The following NRAP variants were observed in gnomAD, a reference collection of about 807,000 sequenced individuals.
NRAP encodes the protein nebulin-related-anchoring protein.
In NRAP, 189 loss-of-function variants were observed where a neutral mutation model predicts 225.9. The observed-to-expected ratio is 0.84, with a 90% CI of 0.74 to 0.94. The LOEUF (loss-of-function observed/expected upper bound fraction) is 0.94. NRAP is among the 40% of genes least tolerant of loss of function. NRAP has a pLI of 0.00. For synonymous variants in NRAP, 769 were observed against 790.7 expected (o/e 0.97, Z 0.46); for missense variants, 2,176 against 2,168.7 (o/e 1.00, Z -0.07).
At chr10:113,617,699 C>T (rs370697007) in intron 25 of NRAP, 146 bp from the exon 26 acceptor site, 4 of 616,172 alleles carry the variant, frequency 6.5e-6, no homozygotes, top group African/African-American at 5.5e-5. Context: ...ATCCTAGGTG[C>T]CTTCAGGTTA....
intron 11 of NRAP, among the ~76,000 whole-genome samples, chr10:113,643,909 A>G (rs148809509): frequency 1.4e-4 from 21 of 152,230 alleles, no homozygotes; most frequent in African/African-American, 5.1e-4. Context: ...GTTACAGTAT[A>G]TTCATATAGA....
rs879247720 is a variant in NRAP, at chr10:113,590,849, T to C, written c.4685A>G (p.Gln1562Arg). Residue 1562 changes from glutamine to arginine, a missense_variant, in exon 40 of 42, where the codon CAG becomes CGG. Around this residue, in one of 3 missense-constraint regions of NRAP, gnomAD observed 445 missense variants for 426.1 expected, o/e 1.04. Transcript: ENST00000359988. Reference protein sequence around the residue: ...KEAFLRDRGLQIGYRSVDDDP... With the variant: ...KEAFLRDRGLRIGYRSVDDDP... ...ATCGTCGACACTGCGGTACCCGATC[T>C]GCAGGCCTCGGTCCCGCAGGAAAGC... is the stretch of plus-strand genomic sequence containing the variant. 9.3e-6 allele frequency: 15 copies of C among 1,614,226 alleles called. No homozygotes were observed. The highest frequency in any genetic ancestry group is 1.3e-5 in the Non-Finnish European group (15 of 1,180,034).
Position 113,614,845 on chromosome 10 carries a change from TATG to T in NRAP, c.3177_3179del (p.Ile1060del), listed in dbSNP as rs759748337. 2 of 1,588,770 alleles carry T rather than the reference TATG, an allele frequency of 1.3e-6. No homozygotes were observed. Among genetic ancestry groups the T allele is most frequent in the Admixed American group, 3.3e-5 (2 of 59,990 alleles). ...AATGGGGGTGAATGCTCACATCACT[TATG>T]ATTTCACCAGAAGCCTTTGCTGCTT... On this transcript the variant is annotated inframe_deletion, in exon 28 of 42. Transcript: ENST00000359988.
chr10:113,634,080 C>T, intron 15 of NRAP, 32 bp downstream of exon 15: 1 of 1,477,166 alleles, frequency 6.8e-7, no homozygotes. Flanking sequence ...TTCAAGACCC[C>T]TACATCCAGC....
chr10:113,632,408 T>A (rs1459653447), intron 16 of NRAP, among the ~76,000 whole-genome samples: 7 of 152,260 alleles, frequency 4.6e-5, no homozygotes, highest in Non-Finnish European at 7.3e-5. Context: ...TTTATTGGCC[T>A]TTTCCTAAAT....
Position 113,641,432 on chromosome 10 carries a change from C to A in NRAP, c.1256G>T (p.Arg419Leu), listed in dbSNP as rs138124439. The A allele has an allele frequency of 6.2e-7, 1 of 1,613,822 alleles. No homozygotes were observed. The highest frequency in any genetic ancestry group is 2.2e-5 in the East Asian group (1 of 44,878). Residue 419 changes from arginine (R) to leucine (L), a missense_variant, in exon 13 of 42, where the codon CGC (arginine) becomes CTC (leucine). Around this residue, in one of 3 missense-constraint regions of NRAP, gnomAD observed 1,708 missense variants for 1,695.5 expected, o/e 1.01. Transcript: ENST00000359988. ...KENYQNHMRG[R>L]YEGVGMDRRT... Reference sequence around the variant, plus strand: ...TCTGTCCATACCAACTCCTTCATAGCGGCCTCTCATGTGGTTCTGGTAGTT... The same window carrying A: ...TCTGTCCATACCAACTCCTTCATAGAGGCCTCTCATGTGGTTCTGGTAGTT...
intron 29 of NRAP, among the ~76,000 whole-genome samples, chr10:113,613,555 C>T (rs1016331397): frequency 3.3e-5 from 5 of 152,200 alleles, no homozygotes; most frequent in Non-Finnish European, 5.9e-5. Context: ...TGTTAGCCAA[C>T]TCACATATGT....
intron 29 of NRAP, among the ~76,000 whole-genome samples, chr10:113,613,449 G>A (rs749535593): frequency 6.6e-6 from 1 of 152,158 alleles, no homozygotes; most frequent in Non-Finnish European, 1.5e-5. Context: ...AGAATAACAA[G>A]ATGGAGTTCC....
chr10:113,613,615 C>A (rs1218872664), intron 29 of NRAP, among the ~76,000 whole-genome samples: 1 of 152,128 alleles, frequency 6.6e-6, no homozygotes, highest in Non-Finnish European at 1.5e-5. Context: ...AGGGTCACAA[C>A]CAACAATGAC....
chr10:113,615,099 G>A (rs1048326610), intron 27 of NRAP, among the ~76,000 whole-genome samples, 153 bp from the exon 28 acceptor site: 8 of 152,024 alleles, frequency 5.3e-5, no homozygotes, highest in African/African-American at 1.9e-4. Flanking sequence ...CTAAACCCAC[G>A]TGAGTTGGAT....
intron 38 of NRAP, among the ~76,000 whole-genome samples, chr10:113,595,035 G>A (rs1401282237): frequency 1.3e-5 from 2 of 152,226 alleles, no homozygotes; most frequent in East Asian, 3.8e-4. Flanking sequence ...ACAACCAGGG[G>A]CCTCCAACCC....
chr10:113,615,624 G>A (rs1847607574), intron 27 of NRAP, 88 bp downstream of exon 27: 5 of 764,356 alleles, frequency 6.5e-6, no homozygotes, highest in Non-Finnish European at 1.2e-5. Context: ...CCAGCTCAGG[G>A]GCTTCTGAGC....
At chr10:113,650,656 A>G in intron 7 of NRAP, 111 bp from the exon 8 acceptor site, 2 of 738,532 alleles carry the variant, frequency 2.7e-6, no homozygotes, top group South Asian at 3.1e-5. Context: ...CATAGCTCAT[A>G]AGGCACATAA....
At chr10:113,649,476 T>A (rs1385266401) in intron 9 of NRAP, among the ~76,000 whole-genome samples, 1 of 152,232 alleles carries the variant, frequency 6.6e-6, no homozygotes, top group African/African-American at 2.4e-5. Flanking sequence ...CAGAGGGATG[T>A]GCAAATAATA....
In NRAP at chr10:113,626,125, G is replaced by A. The variant is rs878955851; in HGVS notation, c.2166C>T (p.Val722=). The A allele has an allele frequency of 1.3e-5, 21 of 1,609,056 alleles. No homozygotes were observed. The South Asian group carries it at 2.0e-4, about 15-fold the overall frequency. The part of the protein sequence containing the change: ...LVSEKNYRQR[V]DELKFTSVTD... ...TCACGCTGGTGAACTTCAGCTCATC[G>A]ACCCTCTGCCGGTAGTTTTTCTGTT... is the stretch of plus-strand genomic sequence containing the variant. The change falls in exon 21 of 42, where the codon GTC becomes GTT. Residue 722 remains valine, a synonymous_variant. Transcript: ENST00000359988.
At position 113,615,786 on chromosome 10, in the gene NRAP, T is replaced by G. The variant is rs1413583059; in HGVS notation, c.3004A>C (p.Lys1002Gln). ...TCAGCAGTCGGTGTGTAATGATGCT[T>G]TATGTTTTCTCCTTGTTCCCTGTAT... is the stretch of plus-strand genomic sequence containing the variant. ...RLYREQGENIKHHYTPTADLP... is the reference protein window; with the variant it reads ...RLYREQGENIQHHYTPTADLP... Residue 1002 changes from lysine to glutamine, a missense_variant, in exon 27 of 42, where the codon AAG (lysine) becomes CAG (glutamine). Around this residue, in one of 3 missense-constraint regions of NRAP, gnomAD observed 1,708 missense variants for 1,695.5 expected, o/e 1.01. Transcript: ENST00000359988. The G allele has an allele frequency of 6.8e-6, 11 of 1,607,420 alleles. No homozygotes were observed. Among genetic ancestry groups the G allele is most frequent in the Non-Finnish European group, 8.5e-6 (10 of 1,173,922 alleles).
intron 9 of NRAP, among the ~76,000 whole-genome samples, chr10:113,648,877 G>C (rs77741765): frequency 2.0e-5 from 3 of 152,102 alleles, no homozygotes; most frequent in South Asian, 2.1e-4. Context: ...GACATGTCTA[G>C]GTACACATAT....
intron 37 of NRAP, among the ~76,000 whole-genome samples, chr10:113,596,065 G>C (rs925865336): frequency 7.2e-5 from 11 of 151,940 alleles, no homozygotes; most frequent in African/African-American, 2.7e-4. Context: ...CTTTGCAATT[G>C]AGCATTGGAC....
intron 24 of NRAP, 70 bp downstream of exon 24, chr10:113,621,799 A>T: frequency 1.4e-6 from 2 of 1,443,892 alleles, no homozygotes; most frequent in Non-Finnish European, 1.9e-6. Context: ...TGGCTTAGGG[A>T]AACACTTGCA....
Sources: gnomAD v4.1 joint callset for allele counts (sites outside exome capture counted in the v4.1 genomes callset) on GRCh38, gnomAD v4.1.1 for gene constraint, gnomAD v4.1.1 regional missense constraint, MANE v1.5 for transcripts, NCBI Gene and HGNC (gene_info 2026-07-23, HGNC 2026-07-21) for gene names.